Variants in EIF2B3 observed in about 807,000 individuals in gnomAD.
EIF2B3 encodes the protein translation initiation factor eIF2B subunit gamma.
Under a neutral mutation model 54.1 loss-of-function variants are expected in EIF2B3, and 20 were observed. That is an observed-to-expected ratio of 0.37 (90% CI 0.26 to 0.54). The LOEUF (loss-of-function observed/expected upper bound fraction) is 0.54, where lower values mean the gene tolerates loss of function less well. Ranked by LOEUF, EIF2B3 falls within the 20% of genes least tolerant of loss-of-function variation. The pLI is 0.86. For synonymous variants in EIF2B3, 153 were observed against 188.1 expected, an observed-to-expected ratio of 0.81 and a Z score of 1.52; for missense variants, 448 against 547.8, an observed-to-expected ratio of 0.82 and a Z score of 1.82.
intron 5 of EIF2B3, among the ~76,000 whole-genome samples, chr1:44,909,172 A>T (rs1451921227): frequency 6.6e-6 from 1 of 152,140 alleles, no homozygotes; most frequent in Admixed American, 6.6e-5. Context: ...AGAGGGAGAG[A>T]AAAAAGAGAG....
At chr1:44,909,950 G>A in intron 5 of EIF2B3, among the ~76,000 whole-genome samples, 1 of 152,182 alleles carries the variant, frequency 6.6e-6, no homozygotes, top group East Asian at 1.9e-4. Flanking sequence ...GGTCTTGACT[G>A]AAGTCCTTGA....
chr1:44,952,556 A>ATTTT (rs34153088), intron 3 of EIF2B3, among the ~76,000 whole-genome samples: 20 of 141,546 alleles, frequency 1.4e-4, no homozygotes, highest in African/African-American at 2.9e-4. Context: ...CTTTTCTCCA[A>ATTTT]TTTTTTTTTT....
chr1:44,985,775 C>T (rs767952810), intron 1 of EIF2B3, among the ~76,000 whole-genome samples: 2 of 152,200 alleles, frequency 1.3e-5, no homozygotes, highest in Non-Finnish European at 2.9e-5. Flanking sequence ...CTATGGCTGA[C>T]GGGAATCATG....
intron 5 of EIF2B3, among the ~76,000 whole-genome samples, chr1:44,903,804 G>A (rs905723170): frequency 6.6e-6 from 1 of 152,174 alleles, no homozygotes; most frequent in African/African-American, 2.4e-5. Flanking sequence ...GCTAGGTGTG[G>A]TGGCTCATGC....
intron 5 of EIF2B3, among the ~76,000 whole-genome samples, chr1:44,923,306 A>C (rs1189758644): frequency 6.6e-6 from 1 of 152,242 alleles, no homozygotes; most frequent in Non-Finnish European, 1.5e-5. Context: ...AAGCTTTCTC[A>C]AAATAGATGC....
At chr1:44,942,401 ATATATATATATATATATTTT>A (rs1644038000) in intron 3 of EIF2B3, among the ~76,000 whole-genome samples, 1 of 16,674 alleles carries the variant, frequency 6.0e-5, no homozygotes, top group Non-Finnish European at 1.0e-4. Context: ...ATATATATAT[ATATATATATATATATATTTT>A]TTTTTTTTTT....
At chr1:44,874,522 G>T in intron 10 of EIF2B3, 156 bp downstream of exon 10, 1 of 765,350 alleles carries the variant, frequency 1.3e-6, no homozygotes, top group Non-Finnish European at 2.0e-6. Context: ...TAAAGTTTTT[G>T]AGACTTTTGA....
chr1:44,952,639 G>A (rs986880857), intron 3 of EIF2B3, among the ~76,000 whole-genome samples: 2 of 147,798 alleles, frequency 1.4e-5, no homozygotes, highest in African/African-American at 5.0e-5. Flanking sequence ...TGCAAGCTCC[G>A]CCTCCCGGGT....
chr1:44,853,996 T>G (rs1049577583), intron 11 of EIF2B3, among the ~76,000 whole-genome samples: 6 of 101,078 alleles, frequency 5.9e-5, no homozygotes, highest in South Asian at 2.9e-4. Flanking sequence ...CAGTTAGTGT[T>G]TTTTTTTTTT....
intron 3 of EIF2B3, among the ~76,000 whole-genome samples, chr1:44,942,417 ATTTTTTTTTTTTTTTT>A (rs34978668): frequency 0.025 from 124 of 5,044 alleles, 1 homozygote; most frequent in Admixed American, 0.029. Flanking sequence ...ATATATATAT[ATTTTTTTTTTTTTTTT>A]TTTTTTTTTT....
At chr1:44,975,556 A>G (rs1644444886) in intron 3 of EIF2B3, among the ~76,000 whole-genome samples, 1 of 152,254 alleles carries the variant, frequency 6.6e-6, no homozygotes, top group South Asian at 2.1e-4. Flanking sequence ...GAAAAGGTAC[A>G]GTAAAAATAT....
At chr1:44,936,266 G>A (rs1405945406) in intron 4 of EIF2B3, among the ~76,000 whole-genome samples, 1 of 151,858 alleles carries the variant, frequency 6.6e-6, no homozygotes, top group Non-Finnish European at 1.5e-5. Context: ...TAGAAAGCAG[G>A]GCTGTTTGAA....
At chr1:44,952,610 T>G (rs1191853336) in intron 3 of EIF2B3, among the ~76,000 whole-genome samples, 1 of 150,528 alleles carries the variant, frequency 6.6e-6, no homozygotes, top group Admixed American at 6.7e-5. Context: ...TAGAGTGCAG[T>G]GGCGTGATGT....
intron 11 of EIF2B3, among the ~76,000 whole-genome samples, chr1:44,855,044 C>G (rs1432239693): frequency 4.0e-5 from 6 of 150,274 alleles, no homozygotes. Context: ...GTCTTGAGTG[C>G]TGCACTGATG....
chr1:44,854,291 C>T (rs12725192), intron 11 of EIF2B3, among the ~76,000 whole-genome samples: 28,279 of 151,866 alleles, frequency 0.19, 2,854 homozygotes, highest in Admixed American at 0.28. Context: ...GCGTGAGCTA[C>T]AGCCTCTGTA....
intron 5 of EIF2B3, among the ~76,000 whole-genome samples, chr1:44,915,677 C>T (rs539602229): frequency 6.6e-6 from 1 of 152,028 alleles, no homozygotes; most frequent in South Asian, 2.1e-4. Flanking sequence ...ATTCTTATTA[C>T]CCAGGAATAA....
At chr1:44,901,565 T>TC (rs1231504675) in intron 5 of EIF2B3, among the ~76,000 whole-genome samples, 2 of 146,224 alleles carry the variant, frequency 1.4e-5, no homozygotes, top group East Asian at 4.0e-4. Context: ...TTTTTTTTTT[T>TC]TTTTTTTTCT....
chr1:44,970,003 C>A (rs529036381), intron 3 of EIF2B3: 5 of 152,216 alleles, frequency 3.3e-5, no homozygotes, highest in African/African-American at 1.2e-4. Context: ...ATGAATGAAC[C>A]AATAATCTCT....
chr1:44,927,162 T>C (rs1643863398), intron 4 of EIF2B3, among the ~76,000 whole-genome samples: 1 of 150,312 alleles, frequency 6.7e-6, no homozygotes, highest in Admixed American at 6.6e-5. Context: ...AGGATTGAGA[T>C]GAGAGAGGAG....
Sources: allele counts gnomAD v4.1 joint callset (sites outside exome capture counted in the v4.1 genomes callset), GRCh38; gene constraint gnomAD v4.1.1; transcripts MANE v1.5; gene names NCBI Gene and HGNC (gene_info 2026-07-23, HGNC 2026-07-21).